The following NAV3 variants were observed in gnomAD, a reference collection of about 807,000 sequenced individuals.
NAV3 encodes the protein pore membrane and/or filament interacting like protein 1.
In NAV3, 87 loss-of-function variants were observed where a neutral mutation model predicts 244.7. That is an observed-to-expected ratio of 0.36 (90% CI 0.30 to 0.42). NAV3 has a LOEUF of 0.42. NAV3 is among the 20% of genes least tolerant of loss of function. NAV3 has a pLI of 1.00. For synonymous variants in NAV3, 1,126 were observed against 1,042.2 expected (o/e 1.08, Z -1.55); for missense variants, 2,663 against 2,893.3 (o/e 0.92, Z 1.83).
chr12:77,632,971 C>T (rs1280074908), intron 2 of NAV3, among the ~76,000 whole-genome samples: 1 of 152,008 alleles, frequency 6.6e-6, no homozygotes, highest in East Asian at 1.9e-4. Flanking sequence ...TCATATAACA[C>T]TGACTTGAAC....
intron 12 of NAV3, among the ~76,000 whole-genome samples, chr12:78,101,284 G>C (rs1954523776): frequency 6.6e-6 from 1 of 152,170 alleles, no homozygotes; most frequent in Non-Finnish European, 1.5e-5. Flanking sequence ...CACACTAGAA[G>C]TAAACACAGA....
At chr12:77,882,354 G>A (rs903118911) in intron 1 of NAV3, among the ~76,000 whole-genome samples, 6 of 152,134 alleles carry the variant, frequency 3.9e-5, no homozygotes, top group Non-Finnish European at 8.8e-5. Flanking sequence ...TCAATAAATG[G>A]TGCTGGGGTA....
chr12:77,738,799 A>G lies in NAV3; in HGVS notation c.72+166533A>G, dbSNP rs1028783218. Among the ~76,000 whole-genome samples, 4 of 152,164 alleles carry G rather than the reference A, an allele frequency of 2.6e-5. No homozygotes were observed. In the East Asian group the frequency reaches 5.8e-4, roughly 22 times the overall value. ...GCCGAGGTAGGCGGATCACGAGGTC[A>G]GGAGATCGAGACCATCCTGGCTAAC... On this transcript the variant is annotated intron_variant, in intron 2 of 8. Coordinates refer to the NAV3 transcript ENST00000550042.
At chr12:78,057,355 T>C (rs142059942) in intron 11 of NAV3, among the ~76,000 whole-genome samples, 123 of 152,298 alleles carry the variant, frequency 8.1e-4, no homozygotes, top group African/African-American at 2.7e-3. Context: ...GGGGTAGATA[T>C]ACTTTAATCC....
intron 2 of NAV3, among the ~76,000 whole-genome samples, chr12:77,696,786 C>T (rs1473579574): frequency 2.0e-5 from 3 of 152,084 alleles, no homozygotes; most frequent in African/African-American, 4.8e-5. Flanking sequence ...TCATTGTTCA[C>T]CTGTTTATAA....
At chr12:77,652,397 T>C (rs1286840214) in intron 2 of NAV3, among the ~76,000 whole-genome samples, 3 of 152,224 alleles carry the variant, frequency 2.0e-5, no homozygotes, top group Non-Finnish European at 2.9e-5. Flanking sequence ...GTACTACTTC[T>C]GTCTTCCTAG....
intron 1 of NAV3, among the ~76,000 whole-genome samples, chr12:77,841,957 T>C (rs543790122): frequency 6.6e-6 from 1 of 152,264 alleles, no homozygotes; most frequent in African/African-American, 2.4e-5. Context: ...GACTAGGAAA[T>C]ATCATGTATC....
chr12:78,085,002 CAT>C (rs909104157), intron 12 of NAV3, among the ~76,000 whole-genome samples: 2 of 151,858 alleles, frequency 1.3e-5, no homozygotes, highest in East Asian at 1.9e-4. Context: ...GAGAAAAAGA[CAT>C]ATAAAAAGCA....
At chr12:78,184,726 A>G (rs1319055361) in intron 30 of NAV3, among the ~76,000 whole-genome samples, 2 of 151,746 alleles carry the variant, frequency 1.3e-5, no homozygotes, top group Non-Finnish European at 2.9e-5. Flanking sequence ...TTGTCAGAGC[A>G]GTTGAGTCCT....
intron 2 of NAV3, among the ~76,000 whole-genome samples, chr12:77,755,338 A>G (rs2135814045): frequency 6.6e-6 from 1 of 152,278 alleles, no homozygotes; most frequent in African/African-American, 2.4e-5. Context: ...TAGAGGCCAC[A>G]TATATTTTGA....
At chr12:77,981,396 G>C (rs1167891416) in intron 5 of NAV3, among the ~76,000 whole-genome samples, 1 of 151,976 alleles carries the variant, frequency 6.6e-6, no homozygotes, top group African/African-American at 2.4e-5. Flanking sequence ...GAAAGAATTT[G>C]GTTTAAGGAG....
At chr12:78,071,949 G>C (rs1252755671) in intron 12 of NAV3, among the ~76,000 whole-genome samples, 1 of 152,156 alleles carries the variant, frequency 6.6e-6, no homozygotes, top group East Asian at 1.9e-4. Context: ...GGTACATAAT[G>C]AAATGAAGGC....
chr12:78,166,589 T>TGA (rs1593870877), intron 23 of NAV3, among the ~76,000 whole-genome samples: 2 of 151,954 alleles, frequency 1.3e-5, no homozygotes, highest in East Asian at 3.9e-4. Context: ...TTACATATAT[T>TGA]GTGCCACATT....
chr12:77,584,465 CTGTT>C (rs1869508880), intron 2 of NAV3, among the ~76,000 whole-genome samples: 1 of 151,706 alleles, frequency 6.6e-6, no homozygotes, highest in Admixed American at 6.6e-5. Flanking sequence ...AAAGCAGAGT[CTGTT>C]TGGTTAGATT....
intron 2 of NAV3, among the ~76,000 whole-genome samples, chr12:77,607,119 C>T (rs1005065941): frequency 7.9e-5 from 12 of 152,024 alleles, no homozygotes; most frequent in Non-Finnish European, 1.5e-4. Context: ...TTCTTAAAGA[C>T]GTCTGAAAAA....
chr12:77,659,167 C>G (rs1365351052), intron 2 of NAV3, among the ~76,000 whole-genome samples: 1 of 151,628 alleles, frequency 6.6e-6, no homozygotes, highest in Admixed American at 6.6e-5. Context: ...TCAGAGTGAA[C>G]AGGCAACCCA....
intron 1 of NAV3, among the ~76,000 whole-genome samples, chr12:77,836,219 A>G (rs1036883628): frequency 6.6e-6 from 1 of 152,206 alleles, no homozygotes; most frequent in African/African-American, 2.4e-5. Context: ...TCAGCAAACA[A>G]CATCCAATTA....
At chr12:77,852,406 A>G (rs1338285434) in intron 1 of NAV3, among the ~76,000 whole-genome samples, 1 of 151,990 alleles carries the variant, frequency 6.6e-6, no homozygotes, top group East Asian at 1.9e-4. Flanking sequence ...GTAGTGGCAC[A>G]TGTCTGTAAT....
chr12:77,719,992 G>A (rs1395420124), intron 2 of NAV3, among the ~76,000 whole-genome samples: 1 of 152,058 alleles, frequency 6.6e-6, no homozygotes, highest in East Asian at 1.9e-4. Context: ...AGTTACAGAT[G>A]TTTGGATTTT....
Sources: gnomAD v4.1 joint callset for allele counts (sites outside exome capture counted in the v4.1 genomes callset) on GRCh38, gnomAD v4.1.1 for gene constraint, MANE v1.5 for transcripts, NCBI Gene and HGNC (gene_info 2026-07-23, HGNC 2026-07-21) for gene names.